CRY1: variants seen among roughly 807,000 people sequenced by gnomAD.
The protein encoded by CRY1 is cryptochrome circadian regulator 1.
Under a neutral mutation model 76.0 loss-of-function variants are expected in CRY1, and 45 were observed. That is an observed-to-expected ratio of 0.59 (90% CI 0.47 to 0.76). The LOEUF (loss-of-function observed/expected upper bound fraction) is 0.76, where lower values mean the gene tolerates loss of function less well. CRY1 is among the 30% of genes least tolerant of loss of function. The probability of loss-of-function intolerance (pLI) is 0.00; values close to 1 mark genes in which losing one functional copy is unlikely to be tolerated. For synonymous variants in CRY1, 248 were observed against 244.0 expected (o/e 1.02, Z -0.15); for missense variants, 587 against 716.4 (o/e 0.82, Z 2.06).
intron 1 of CRY1, among the ~76,000 whole-genome samples, chr12:107,075,076 C>T (rs1953236254): frequency 6.6e-6 from 1 of 151,956 alleles, no homozygotes; most frequent in Non-Finnish European, 1.5e-5. Flanking sequence ...TTTATCAATT[C>T]ACACAAATAA....
chr12:107,091,402 AC>A (rs1953470226), intron 1 of CRY1, among the ~76,000 whole-genome samples: 2 of 152,030 alleles, frequency 1.3e-5, no homozygotes. Context: ...TCAGAATATA[AC>A]CAGCATCTGT....
Position 107,058,400 on chromosome 12 carries a change from C to T in CRY1, c.158+34404G>A, listed in dbSNP as rs113795826. On this transcript the variant is annotated intron_variant, in intron 1 of 12. Coordinates refer to ENST00000008527, the MANE Select transcript of CRY1 (RefSeq NM_004075.5). ...CCTCTTGGCAAGAGTAACAGAACAC[C>T]ACAGACACAATGAATGAGCTCAAGT... Among the ~76,000 whole-genome samples the T allele has an allele frequency of 2.0e-5, 3 of 152,136 alleles. No individual in the cohort carries two copies. In the South Asian group the frequency reaches 6.2e-4, roughly 32 times the overall value.
intron 1 of CRY1, among the ~76,000 whole-genome samples, chr12:107,054,225 T>C (rs1306435107): frequency 6.6e-6 from 1 of 152,052 alleles, no homozygotes; most frequent in Non-Finnish European, 1.5e-5. Context: ...GAAAGGTAAT[T>C]AGAGTTTGCG....
chr12:107,082,474 C>T lies in CRY1; in HGVS notation c.158+10330G>A, dbSNP rs555696285. Reference sequence around the variant, plus strand: ...AACACTCCTCAGCAAATGCAAATAACGGAAATCATAACAAACAGTCTCTCA... The same window carrying T: ...AACACTCCTCAGCAAATGCAAATAATGGAAATCATAACAAACAGTCTCTCA... On this transcript the variant is annotated intron_variant, in intron 1 of 12. Coordinates refer to ENST00000008527, the MANE Select transcript of CRY1 (RefSeq NM_004075.5). 1.1e-4 allele frequency among the ~76,000 whole-genome samples: 17 copies of T among 152,096 alleles called. No homozygotes were observed. In the East Asian group the frequency reaches 2.5e-3, roughly 22 times the overall value.
chr12:106,992,200 C>T lies in CRY1; in HGVS notation c.*1-199G>A, dbSNP rs1442517159. The T allele has an allele frequency of 3.3e-5, 5 of 152,132 alleles. No individual in the cohort carries two copies. In the East Asian group the frequency reaches 7.7e-4, roughly 23 times the overall value. 9.4% of individuals were successfully genotyped at this position (152,132 alleles called of 1,614,324 possible). ...AGAAAATTTTTAAAAACTGGCAAAT[C>T]CAACGTATAAATATTTTTCATATTA... On this transcript the variant is annotated intron_variant, in intron 12 of 12. Transcript: ENST00000008527.
intron 2 of CRY1, among the ~76,000 whole-genome samples, chr12:107,006,315 G>A (rs1471784773): frequency 1.3e-5 from 2 of 152,046 alleles, no homozygotes; most frequent in Non-Finnish European, 2.9e-5. Flanking sequence ...GAACCCGGGA[G>A]GTGGAGGTTG....
intron 1 of CRY1, among the ~76,000 whole-genome samples, chr12:107,080,855 C>T (rs1442605015): frequency 1.3e-5 from 2 of 151,890 alleles, no homozygotes; most frequent in African/African-American, 2.4e-5. Context: ...TACAAAGAAA[C>T]TGAGATACAT....
chr12:107,057,856 C>G (rs1286112726), intron 1 of CRY1, among the ~76,000 whole-genome samples: 1 of 151,850 alleles, frequency 6.6e-6, no homozygotes, highest in Admixed American at 6.6e-5. Context: ...GCCAGGAGTT[C>G]AAGACCAGCC....
chr12:107,073,599 C>T (rs1953217260), intron 1 of CRY1, among the ~76,000 whole-genome samples: 1 of 152,028 alleles, frequency 6.6e-6, no homozygotes, highest in Non-Finnish European at 1.5e-5. Context: ...CATGGTGGTG[C>T]ATGCCTGTAA....
In CRY1 at chr12:107,022,136, C is replaced by T. The variant is rs749352967; in HGVS notation, c.215G>A (p.Arg72His). 43 of 1,601,998 alleles carry T rather than the reference C, an allele frequency of 2.7e-5. No individual in the cohort carries two copies. In the East Asian group the frequency reaches 6.6e-4, roughly 24 times the overall value. ...LDANLRKLNS[R>H]LFVIRGQPAD... The stretch of plus-strand genomic sequence containing the variant: ...TGGTTGTCCACGAATCACAAACAGA[C>T]GGGAGTTTAATTTTCGTAGATTGGC... Residue 72 changes from arginine (R) to histidine (H), a missense_variant, in exon 2 of 13, where the codon CGT (arginine) becomes CAT (histidine). Coordinates refer to ENST00000008527, the MANE Select transcript of CRY1 (RefSeq NM_004075.5).
Position 107,032,507 on chromosome 12 carries a change from C to CGG in CRY1, c.159-10316_159-10315insCC, listed in dbSNP as rs1555199538. Reference sequence around the variant, plus strand: ...TTGGTGTGCTCTGAGATAACTGTTACAGACACACACACACACACACACGTC... The same window carrying CGG: ...TTGGTGTGCTCTGAGATAACTGTTACGGAGACACACACACACACACACACGTC... On this transcript the variant is annotated intron_variant, in intron 1 of 12. Transcript: ENST00000008527. Among the ~76,000 whole-genome samples the CGG allele has an allele frequency of 5.5e-4, 72 of 130,838 alleles. 1 individual carries two copies. The East Asian group carries it at 0.01, about 19-fold the overall frequency. The allele number at this position is 130,838 out of a possible 152,430, so 85.8% of individuals were successfully genotyped here.
At chr12:107,002,997 C>T (rs971921406) in intron 3 of CRY1, among the ~76,000 whole-genome samples, 3 of 152,160 alleles carry the variant, frequency 2.0e-5, no homozygotes, top group Admixed American at 1.3e-4. Flanking sequence ...TGCCCAGTCT[C>T]GGGTATGTCT....
chr12:107,092,098 C>G (rs750027914), intron 1 of CRY1, among the ~76,000 whole-genome samples: 6 of 152,184 alleles, frequency 3.9e-5, no homozygotes, highest in East Asian at 1.9e-4. Context: ...GATCAAGAGT[C>G]TATCTGTTGA....
chr12:107,069,525 G>GTT (rs945697462), intron 1 of CRY1, among the ~76,000 whole-genome samples: 1 of 140,996 alleles, frequency 7.1e-6, no homozygotes, highest in East Asian at 2.0e-4. Context: ...GCCATTGTTT[G>GTT]TTATATATAT....
chr12:107,034,845 A>T (rs1039540120), intron 1 of CRY1, among the ~76,000 whole-genome samples: 3 of 152,214 alleles, frequency 2.0e-5, no homozygotes, highest in African/African-American at 7.2e-5. Context: ...GTTTCAAAGG[A>T]TTAAAATCAC....
At chr12:107,017,649 T>G (rs561611772) in intron 2 of CRY1, among the ~76,000 whole-genome samples, 7 of 152,344 alleles carry the variant, frequency 4.6e-5, no homozygotes, top group Non-Finnish European at 7.3e-5. Context: ...AAAGGTCGCT[T>G]AAGGCCTAGG....
At chr12:107,011,780 GATCT>G (rs1342479805) in intron 2 of CRY1, among the ~76,000 whole-genome samples, 1 of 152,212 alleles carries the variant, frequency 6.6e-6, no homozygotes. Flanking sequence ...AAGTTATCCA[GATCT>G]ATCTAAGATA....
Position 107,093,071 on chromosome 12 carries a change from G to C in CRY1, c.-110C>G, listed in dbSNP as rs929888786. ...TTGCCTCACCCGGGGCGTGAGGAAA[G>C]GGCGGCAGAGGGGGAACAGGAAAAA... On this transcript the variant is annotated 5_prime_UTR_variant, in exon 1 of 13. Transcript: ENST00000008527. The C allele has an allele frequency of 4.7e-6, 6 of 1,275,314 alleles. No homozygotes were observed. In the African/African-American group the frequency reaches 7.6e-5, roughly 16 times the overall value. The allele number at this position is 1,275,314 out of a possible 1,614,324, so 79.0% of individuals were successfully genotyped here. A position where few individuals can be genotyped will look rare whatever the true frequency, so the allele number is the denominator to read the frequency against.
chr12:107,020,485 C>T (rs1952543042), intron 2 of CRY1, among the ~76,000 whole-genome samples: 1 of 151,786 alleles, frequency 6.6e-6, no homozygotes, highest in South Asian at 2.1e-4. Flanking sequence ...GGCAGATTTC[C>T]CCTTGGTGCT....
Sources: allele counts gnomAD v4.1 joint callset (sites outside exome capture counted in the v4.1 genomes callset), GRCh38; gene constraint gnomAD v4.1.1; transcripts MANE v1.5; gene names NCBI Gene and HGNC (gene_info 2026-07-23, HGNC 2026-07-21).